THADA: variants seen among roughly 807,000 people sequenced by gnomAD.
The protein encoded by THADA is THADA armadillo repeat containing, also known as tRNA (32-2'-O)-methyltransferase regulator THADA.
A neutral mutation model predicts 219.8 loss-of-function variants in THADA; 213 were observed. The observed-to-expected ratio is 0.97, with a 90% CI of 0.87 to 1.09. The LOEUF (loss-of-function observed/expected upper bound fraction) is 1.09. THADA is among the 50% of genes least tolerant of loss of function. The pLI, the probability that THADA is intolerant of heterozygous loss-of-function variation, is 0.00. For synonymous variants in THADA, 1,018 were observed against 828.9 expected (o/e 1.23, Z -3.92); for missense variants, 2,956 against 2,311.3 (o/e 1.28, Z -5.72).
At chr2:43,445,393 G>C (rs1170768387) in intron 26 of THADA, among the ~76,000 whole-genome samples, 1 of 152,188 alleles carries the variant, frequency 6.6e-6, no homozygotes, top group East Asian at 1.9e-4. Context: ...CCCTACCTCA[G>C]ACTGGGCTGA....
chr2:43,499,767 A>G (rs1048826973), intron 24 of THADA, among the ~76,000 whole-genome samples: 4 of 152,068 alleles, frequency 2.6e-5, no homozygotes, highest in African/African-American at 9.7e-5. Flanking sequence ...CTACCTACAT[A>G]TCAATACTTG....
At position 43,398,149 on chromosome 2, in the gene THADA, A is replaced by G. The variant is rs1179005998; in HGVS notation, c.4059-10T>C. 2 of 1,612,904 alleles carry G rather than the reference A, an allele frequency of 1.2e-6. No individual in the cohort carries two copies. Among genetic ancestry groups the G allele is most frequent in the East Asian group, 4.5e-5 (2 of 44,882 alleles). On this transcript the variant is annotated splice_polypyrimidine_tract_variant and intron_variant, in intron 28 of 37. Coordinates refer to ENST00000405975, the MANE Select transcript of THADA (RefSeq NM_022065.5). ...AGGTGAGTGACCACACCTGGGGAGAAATAAAAACACAAGACCATTCAATAG... is the reference window on the plus strand; with the variant it reads ...AGGTGAGTGACCACACCTGGGGAGAGATAAAAACACAAGACCATTCAATAG...
intron 35 of THADA, among the ~76,000 whole-genome samples, chr2:43,281,823 T>G (rs1242729952): frequency 4.0e-5 from 6 of 151,648 alleles, no homozygotes; most frequent in Non-Finnish European, 7.4e-5. Flanking sequence ...CAGGCTGGAG[T>G]GCAGTGGCAC....
intron 29 of THADA, among the ~76,000 whole-genome samples, chr2:43,397,220 G>C (rs1439523355): frequency 1.3e-5 from 2 of 152,008 alleles, no homozygotes; most frequent in Non-Finnish European, 2.9e-5. Flanking sequence ...AGATCTCAAG[G>C]CCATCTCTCA....
chr2:43,427,540 CAA>C, intron 28 of THADA, among the ~76,000 whole-genome samples: 1 of 75,870 alleles, frequency 1.3e-5, no homozygotes, highest in South Asian at 4.3e-4. Flanking sequence ...TGTGTGTATA[CAA>C]GTTATATATA....
chr2:43,390,514 G>C (rs751671880), intron 29 of THADA, among the ~76,000 whole-genome samples: 1 of 152,106 alleles, frequency 6.6e-6, no homozygotes, highest in Non-Finnish European at 1.5e-5. Flanking sequence ...TTCCAATGAC[G>C]ACTATTCTGA....
chr2:43,548,702 G>GT (rs1420915967), intron 20 of THADA, among the ~76,000 whole-genome samples: 2 of 151,958 alleles, frequency 1.3e-5, no homozygotes, highest in East Asian at 3.9e-4. Flanking sequence ...CTGGTGCGCT[G>GT]TTTTTTAAGC....
At chr2:43,327,514 GTT>G (rs1679474163) in intron 30 of THADA, among the ~76,000 whole-genome samples, 1 of 151,858 alleles carries the variant, frequency 6.6e-6, no homozygotes, top group African/African-American at 2.4e-5. Flanking sequence ...AGGGAAAATG[GTT>G]GAAAAAGGGG....
At chr2:43,268,837 C>T in intron 36 of THADA, among the ~76,000 whole-genome samples, 1 of 152,162 alleles carries the variant, frequency 6.6e-6, no homozygotes. Flanking sequence ...AGGGCAGGTG[C>T]CAGTGCTGGC....
intron 26 of THADA, among the ~76,000 whole-genome samples, chr2:43,433,191 T>A (rs376399318): frequency 1.3e-5 from 2 of 152,134 alleles, no homozygotes; most frequent in East Asian, 3.9e-4. Context: ...TTCATATTTT[T>A]AATCGGGAGA....
intron 26 of THADA, among the ~76,000 whole-genome samples, chr2:43,476,348 T>C (rs566409776): frequency 6.6e-6 from 1 of 152,248 alleles, no homozygotes; most frequent in African/African-American, 2.4e-5. Context: ...CTTGCAACCA[T>C]GAAGGAAGCT....
intron 7 of THADA, among the ~76,000 whole-genome samples, chr2:43,584,827 A>T (rs1343664135): frequency 6.6e-6 from 1 of 152,210 alleles, no homozygotes; most frequent in African/African-American, 2.4e-5. Context: ...AGGAAGACTG[A>T]ATACCTCCGA....
chr2:43,432,874 C>G (rs558839356), intron 26 of THADA, among the ~76,000 whole-genome samples: 5 of 152,098 alleles, frequency 3.3e-5, no homozygotes, highest in Non-Finnish European at 7.3e-5. Context: ...GTTGCTTTTC[C>G]TTGGTCATAT....
At chr2:43,424,602 T>C (rs1403363046) in intron 28 of THADA, among the ~76,000 whole-genome samples, 1 of 152,212 alleles carries the variant, frequency 6.6e-6, no homozygotes, top group Non-Finnish European at 1.5e-5. Flanking sequence ...TGAATAATAT[T>C]CTCAGAGGTC....
chr2:43,352,640 T>C (rs1413456100), intron 29 of THADA, among the ~76,000 whole-genome samples: 2 of 151,994 alleles, frequency 1.3e-5, no homozygotes, highest in Non-Finnish European at 2.9e-5. Context: ...TTATTGTGTA[T>C]ATTTAAGGTA....
chr2:43,556,949 G>T (rs1245387399), intron 16 of THADA, among the ~76,000 whole-genome samples: 1 of 152,148 alleles, frequency 6.6e-6, no homozygotes, highest in Non-Finnish European at 1.5e-5. Context: ...TGGGTGTAAT[G>T]GTGCACACCT....
chr2:43,532,482 C>T (rs1188682268), intron 21 of THADA, among the ~76,000 whole-genome samples: 3 of 150,302 alleles, frequency 2.0e-5, no homozygotes, highest in Non-Finnish European at 4.4e-5. Context: ...ATCACGTAAG[C>T]AGAACCAATG....
intron 1 of THADA, among the ~76,000 whole-genome samples, chr2:43,595,123 A>G (rs1702001725): frequency 6.6e-6 from 1 of 152,206 alleles, no homozygotes; most frequent in East Asian, 1.9e-4. Flanking sequence ...ATTAACAAAC[A>G]TTTGTCAGAG....
chr2:43,308,758 C>CAA (rs57697839), intron 31 of THADA, among the ~76,000 whole-genome samples: 2,566 of 50,842 alleles, frequency 0.05, 622 homozygotes, highest in South Asian at 0.067. Context: ...ATACCCATAC[C>CAA]AAAAAAAAAA....
Sources: allele counts gnomAD v4.1 joint callset (sites outside exome capture counted in the v4.1 genomes callset), GRCh38; gene constraint gnomAD v4.1.1; transcripts MANE v1.5; gene names NCBI Gene and HGNC (gene_info 2026-07-23, HGNC 2026-07-21).